Variants in ANKRD44 observed in about 807,000 individuals in gnomAD.
ANKRD44 encodes the protein serine/threonine-protein phosphatase 6 regulatory ankyrin repeat subunit B.
Under a neutral mutation model 116.0 loss-of-function variants are expected in ANKRD44, and 35 were observed. That is an observed-to-expected ratio of 0.30 (90% CI 0.23 to 0.40). ANKRD44 has a LOEUF of 0.40. Among genes scored for constraint, ANKRD44 ranks in the 10% least tolerant of loss-of-function variants. The probability of loss-of-function intolerance (pLI) is 1.00; values close to 1 mark genes in which losing one functional copy is unlikely to be tolerated. For missense variants in ANKRD44, 1,014 were observed against 1,242.6 expected, an observed-to-expected ratio of 0.82 and a Z score of 2.77; for synonymous variants, 435 against 461.8, an observed-to-expected ratio of 0.94 and a Z score of 0.74.
chr2:197,248,572 G>GTA (rs1385952729), intron 1 of ANKRD44, among the ~76,000 whole-genome samples: 3 of 109,690 alleles, frequency 2.7e-5, no homozygotes, highest in African/African-American at 9.4e-5. Context: ...GTGTGTGTGT[G>GTA]TGTGTGTATA....
intron 1 of ANKRD44, among the ~76,000 whole-genome samples, chr2:197,187,578 G>C (rs531521277): frequency 6.6e-6 from 1 of 152,268 alleles, no homozygotes; most frequent in Non-Finnish European, 1.5e-5. Context: ...GTAAGGGTGT[G>C]GCCCTGATCC....
At chr2:197,051,188 A>G (rs2077100206) in intron 16 of ANKRD44, among the ~76,000 whole-genome samples, 1 of 151,702 alleles carries the variant, frequency 6.6e-6, no homozygotes, top group Admixed American at 6.6e-5. Context: ...CTCGAACTCC[A>G]TGGCTCAAGG....
intron 1 of ANKRD44, among the ~76,000 whole-genome samples, chr2:197,273,026 C>T (rs1422354950): frequency 2.0e-5 from 3 of 152,194 alleles, no homozygotes; most frequent in Admixed American, 1.3e-4. Context: ...TACACATTAA[C>T]TTAGATTTTG....
At chr2:197,081,365 G>A (rs1400047313) in intron 15 of ANKRD44, among the ~76,000 whole-genome samples, 5 of 152,210 alleles carry the variant, frequency 3.3e-5, no homozygotes, top group Admixed American at 3.3e-4. Context: ...ATGCATCGCA[G>A]TTAGAATGAT....
intron 27 of ANKRD44, among the ~76,000 whole-genome samples, chr2:196,993,234 A>T (rs1371827049): frequency 6.6e-6 from 1 of 152,236 alleles, no homozygotes; most frequent in Non-Finnish European, 1.5e-5. Context: ...GCATGCATTA[A>T]TGACATGTGT....
chr2:197,251,000 A>G (rs1333467864), intron 1 of ANKRD44: 1 of 152,372 alleles, frequency 6.6e-6, no homozygotes, highest in African/African-American at 2.4e-5. Context: ...ATGCTAAGAA[A>G]GAAGAAAAAC....
At chr2:197,081,763 A>T in intron 14 of ANKRD44, 38 bp from the exon 15 acceptor site, 4 of 1,517,010 alleles carry the variant, frequency 2.6e-6, no homozygotes, top group Non-Finnish European at 3.6e-6. Flanking sequence ...AATTGCAATT[A>T]ATTTTTTAAA....
In ANKRD44 at chr2:197,231,744, G is replaced by A. The variant is rs116845338; in HGVS notation, c.28-44638C>T. On this transcript the variant is annotated intron_variant, in intron 1 of 27. Coordinates refer to ENST00000282272, the MANE Select transcript of ANKRD44 (RefSeq NM_001195144.2). ...GGCCCATAATGTCAGCAGTGCCAAG[G>A]CTAGGAAACTCTGCTCAAAGTCTTG... Among the ~76,000 whole-genome samples, 25 of 151,742 alleles carry A rather than the reference G, an allele frequency of 1.6e-4. No individual in the cohort carries two copies. The East Asian group carries it at 4.8e-3, about 29-fold the overall frequency.
chr2:197,257,732 G>A (rs150527210), intron 1 of ANKRD44, among the ~76,000 whole-genome samples: 2,087 of 152,168 alleles, frequency 0.014, 16 homozygotes, highest in Non-Finnish European at 0.02. Context: ...CCCACAAAAA[G>A]TAAAAATTTT....
At chr2:197,196,491 G>A (rs1240721391) in intron 1 of ANKRD44, among the ~76,000 whole-genome samples, 4 of 152,166 alleles carry the variant, frequency 2.6e-5, no homozygotes, top group African/African-American at 9.7e-5. Flanking sequence ...TTGTGGTCAT[G>A]AGTAATTTTA....
At chr2:196,984,139 T>G (rs1226467627), downstream of ANKRD44, among the ~76,000 whole-genome samples, 1 of 152,176 alleles carries the variant, frequency 6.6e-6, no homozygotes, top group Non-Finnish European at 1.5e-5. Context: ...AATACATTGA[T>G]GAAGAAATGA....
chr2:197,023,768 C>A (rs573342906), intron 17 of ANKRD44, among the ~76,000 whole-genome samples: 27 of 152,142 alleles, frequency 1.8e-4, no homozygotes, highest in Non-Finnish European at 7.3e-5. Flanking sequence ...GGGGTAACTT[C>A]CCCAGGCACA....
At chr2:197,141,610 GA>G (rs2079368784) in intron 3 of ANKRD44, among the ~76,000 whole-genome samples, 1 of 152,152 alleles carries the variant, frequency 6.6e-6, no homozygotes, top group African/African-American at 2.4e-5. Flanking sequence ...AGTCCCTTGA[GA>G]AATTTCAAGG....
intron 1 of ANKRD44, among the ~76,000 whole-genome samples, chr2:197,309,512 T>A (rs1443813386): frequency 6.6e-6 from 1 of 152,190 alleles, no homozygotes; most frequent in Non-Finnish European, 1.5e-5. Flanking sequence ...TCTGGCTGGA[T>A]ACTAACTGGA....
intron 2 of ANKRD44, among the ~76,000 whole-genome samples, chr2:197,182,914 T>C (rs1380093198): frequency 6.6e-6 from 1 of 152,016 alleles, no homozygotes; most frequent in Non-Finnish European, 1.5e-5. Flanking sequence ...AGGGTAGAAG[T>C]AGGTTTCTTT....
chr2:197,129,190 G>A (rs1327728859), intron 4 of ANKRD44, among the ~76,000 whole-genome samples: 2 of 150,874 alleles, frequency 1.3e-5, no homozygotes, highest in African/African-American at 4.9e-5. Context: ...AGCCTGGAGT[G>A]CAGTGGTACC....
intron 3 of ANKRD44, among the ~76,000 whole-genome samples, chr2:197,139,982 C>T (rs987008716): frequency 2.6e-5 from 4 of 151,316 alleles, no homozygotes; most frequent in African/African-American, 9.7e-5. Context: ...CCAGTTCAAG[C>T]GATTCTCCCG....
chr2:197,310,552 C>A (rs1462955690), intron 1 of ANKRD44, 26 bp downstream of exon 1: 11 of 1,144,978 alleles, frequency 9.6e-6, no homozygotes, highest in Admixed American at 3.9e-5. Context: ...CCGCGCGTCC[C>A]GCCCGCCGGC....
chr2:197,019,619 T>C (rs533539279), intron 17 of ANKRD44, among the ~76,000 whole-genome samples: 1 of 152,306 alleles, frequency 6.6e-6, no homozygotes, highest in Admixed American at 6.5e-5. Context: ...TGTGAGGCTT[T>C]TCACTAGTGA....
Sources: gnomAD v4.1 joint callset for allele counts (sites outside exome capture counted in the v4.1 genomes callset) on GRCh38, gnomAD v4.1.1 for gene constraint, MANE v1.5 for transcripts, NCBI Gene and HGNC (gene_info 2026-07-23, HGNC 2026-07-21) for gene names.